The following APOOL variants were observed in gnomAD, a reference collection of about 807,000 sequenced individuals.
APOOL encodes the protein MICOS complex subunit MIC27.
APOOL carries 12 observed loss-of-function variants against 23.1 expected under a neutral mutation model. The observed-to-expected ratio is 0.52, with a 90% CI of 0.33 to 0.84. The LOEUF is 0.84. Ranked by LOEUF, APOOL falls within the 40% of genes least tolerant of loss-of-function variation. APOOL has a pLI of 0.02. For missense variants in APOOL, 212 were observed against 199.6 expected, an observed-to-expected ratio of 1.06 and a Z score of -0.37; for synonymous variants, 77 against 69.9, an observed-to-expected ratio of 1.10 and a Z score of -0.51.
chrX:85,018,362 T>C (rs756541946), intron 1 of APOOL, among the ~76,000 whole-genome samples: 1 of 110,792 alleles, frequency 9.0e-6, no homozygotes, highest in African/African-American at 3.3e-5. Context: ...GGGGAGGTGC[T>C]ACAAAATTTT....
chrX:85,048,503 T>G (rs1433395007), intron 2 of APOOL, among the ~76,000 whole-genome samples: 1 of 112,177 alleles, frequency 8.9e-6, no homozygotes, highest in Non-Finnish European at 1.9e-5. Flanking sequence ...TAAATATCAT[T>G]TAATTGAATT....
At chrX:85,075,574 T>A (rs1254036739) in intron 8 of APOOL, among the ~76,000 whole-genome samples, 1 of 111,946 alleles carries the variant, frequency 8.9e-6, no homozygotes, top group African/African-American at 3.2e-5. Flanking sequence ...AGAGGAGCTA[T>A]ACAGTTTTTA....
At chrX:85,064,171 TA>T (rs766843648) in intron 5 of APOOL, among the ~76,000 whole-genome samples, 300 of 111,452 alleles carry the variant, frequency 2.7e-3, no homozygotes, top group Non-Finnish European at 3.8e-3. Context: ...GAAGTGTTTA[TA>T]GTATTCTCTG....
chrX:85,064,021 A>G (rs768604142), intron 5 of APOOL, among the ~76,000 whole-genome samples: 4 of 110,622 alleles, frequency 3.6e-5, no homozygotes, highest in African/African-American at 1.3e-4. Context: ...TTTTTTGGAT[A>G]GTAGGCTATT....
chrX:85,079,237 T>A (rs1358931543), intron 8 of APOOL, among the ~76,000 whole-genome samples: 1 of 111,617 alleles, frequency 9.0e-6, no homozygotes, highest in African/African-American at 3.3e-5. Flanking sequence ...TTGTCATAAA[T>A]AGCTTTTATT....
chrX:85,041,157 G>C (rs1922387941), intron 1 of APOOL, among the ~76,000 whole-genome samples: 1 of 112,212 alleles, frequency 8.9e-6, no homozygotes, highest in African/African-American at 3.2e-5. Context: ...CAAGTGCTCA[G>C]GTTGGGGTAG....
chrX:85,061,860 G>A (rs1923239723), intron 5 of APOOL, among the ~76,000 whole-genome samples: 1 of 111,348 alleles, frequency 9.0e-6, no homozygotes, highest in South Asian at 3.8e-4. Flanking sequence ...TTTTTGAAGG[G>A]TTTTTTGTAT....
intron 1 of APOOL, among the ~76,000 whole-genome samples, chrX:85,017,239 G>A (rs1921508343): frequency 9.0e-6 from 1 of 111,368 alleles, no homozygotes. Context: ...TTCCAGAGGG[G>A]ATTATGGCTG....
chrX:85,083,962 C>T (rs1330961156), intron 8 of APOOL, among the ~76,000 whole-genome samples: 2 of 110,564 alleles, frequency 1.8e-5, no homozygotes, highest in South Asian at 3.9e-4. Flanking sequence ...AGAGAGCAAA[C>T]GTATAAAATT....
At chrX:85,077,870 T>C (rs1281661793) in intron 8 of APOOL, among the ~76,000 whole-genome samples, 1 of 112,477 alleles carries the variant, frequency 8.9e-6, no homozygotes, top group Admixed American at 9.4e-5. Flanking sequence ...TTCATGTGTC[T>C]GTTGACTGCA....
Position 85,088,618 on chromosome X carries a change from A to G in APOOL, c.*940A>G, listed in dbSNP as rs2147673651. Reference sequence around the variant, plus strand: ...ACTGTCAAAGTTGACTGTGCCTCCTATTTCATAGAGAAAAAACTAAATTAT... The same window carrying G: ...ACTGTCAAAGTTGACTGTGCCTCCTGTTTCATAGAGAAAAAACTAAATTAT... On this transcript the variant is annotated 3_prime_UTR_variant, in exon 9 of 9. Transcript: ENST00000373173. The G allele has an allele frequency of 9.2e-6, 1 of 109,120 alleles. No individual in the cohort carries two copies. Among genetic ancestry groups the G allele is most frequent in the Admixed American group, 9.9e-5 (1 of 10,063 alleles). The allele number at this position is 109,120 out of a possible 1,213,427, so 9.0% of individuals were successfully genotyped here.
chrX:85,081,970 G>C (rs904715837), intron 8 of APOOL, among the ~76,000 whole-genome samples: 3 of 111,758 alleles, frequency 2.7e-5, no homozygotes, highest in African/African-American at 9.8e-5. Flanking sequence ...TCTCTACACT[G>C]TTCTAGTTAG....
In APOOL at chrX:85,087,665, G is replaced by A; in HGVS notation, c.794G>A (p.Ser265Asn). 1 of 1,187,889 alleles carries A rather than the reference G, an allele frequency of 8.4e-7. No homozygotes were observed. The highest frequency in any genetic ancestry group is 1.1e-6 in the Non-Finnish European group (1 of 883,374). Residue 265 changes from serine to asparagine, a missense_variant, in exon 9 of 9, where the codon AGC (serine) becomes AAC (asparagine). Physicochemically the swap from Ser to Asn is conservative, Grantham distance 46. Coordinates refer to ENST00000373173, the MANE Select transcript of APOOL (RefSeq NM_198450.6). Reference sequence around the variant, plus strand: ...CACCCAGAAGATATAGATATGTACAGCACTAGAAGCTGAAGTAGACTGCAT... The same window carrying A: ...CACCCAGAAGATATAGATATGTACAACACTAGAAGCTGAAGTAGACTGCAT... The part of the protein sequence containing the change: ...QSHPEDIDMY[S>N]TRS
At chrX:85,069,483 G>C (rs1255505276) in intron 6 of APOOL, among the ~76,000 whole-genome samples, 1 of 108,498 alleles carries the variant, frequency 9.2e-6, no homozygotes, top group Non-Finnish European at 1.9e-5. Context: ...GGTGGCAGGC[G>C]CCTGCAATTC....
Position 85,055,903 on chromosome X carries a change from G to A in APOOL, c.372G>A (p.Ala124=), listed in dbSNP as rs769343429. Residue 124 remains alanine (A), a synonymous_variant, in exon 5 of 9, where the codon GCG becomes GCA. Transcript: ENST00000373173. ...GAGTTATTACAGTTTCAGGATTGGC[G>A]GGCTTGGTTTCAGCGAGAAAAGGTA... ...KMGVITVSGL[A]GLVSARKGSK... is the part of the protein sequence containing the mutation. The A allele has an allele frequency of 1.5e-5, 18 of 1,194,545 alleles. No homozygotes were observed. The Admixed American group carries it at 3.9e-4, about 26-fold the overall frequency.
At chrX:85,027,759 A>G (rs1179967136) in intron 1 of APOOL, among the ~76,000 whole-genome samples, 1 of 112,125 alleles carries the variant, frequency 8.9e-6, no homozygotes, top group Non-Finnish European at 1.9e-5. Flanking sequence ...ACCAAGTTCT[A>G]TAGATTTTGT....
chrX:85,079,725 T>G (rs1890681457), intron 8 of APOOL, among the ~76,000 whole-genome samples: 1 of 111,570 alleles, frequency 9.0e-6, no homozygotes, highest in African/African-American at 3.3e-5. Flanking sequence ...GGTCCTGTAC[T>G]TTTTTTGGTT....
intron 1 of APOOL, among the ~76,000 whole-genome samples, chrX:85,008,155 T>C (rs899001129): frequency 2.7e-5 from 3 of 111,724 alleles, no homozygotes; most frequent in Non-Finnish European, 5.6e-5. Flanking sequence ...ATAAATAAAA[T>C]GGTTTGATTT....
chrX:85,036,616 C>T (rs1922225843), intron 1 of APOOL, among the ~76,000 whole-genome samples: 1 of 111,306 alleles, frequency 9.0e-6, no homozygotes, highest in Non-Finnish European at 1.9e-5. Context: ...TCATAGATGG[C>T]TATTATTATT....
Sources: gnomAD v4.1 joint callset for allele counts (sites outside exome capture counted in the v4.1 genomes callset) on GRCh38, gnomAD v4.1.1 for gene constraint, MANE v1.5 for transcripts, NCBI Gene and HGNC (gene_info 2026-07-23, HGNC 2026-07-21) for gene names.